WDR19: variants seen among roughly 807,000 people sequenced by gnomAD.
The protein encoded by WDR19 is WD repeat domain 19.
Under a neutral mutation model 180.0 loss-of-function variants are expected in WDR19, and 121 were observed. The ratio of observed to expected loss-of-function variants is 0.67; its 90% CI spans 0.58 to 0.78. WDR19 has a LOEUF of 0.78. Among genes scored for constraint, WDR19 ranks in the 30% least tolerant of loss-of-function variants. WDR19 has a pLI of 0.00. For missense variants in WDR19, 1,450 were observed against 1,640.7 expected (o/e 0.88, Z 2.01); for synonymous variants, 497 against 540.7 (o/e 0.92, Z 1.12).
At chr4:39,276,388 C>T (rs950937131) in intron 33 of WDR19, among the ~76,000 whole-genome samples, 1 of 152,160 alleles carries the variant, frequency 6.6e-6, no homozygotes, top group African/African-American at 2.4e-5. Context: ...CATAGAACCA[C>T]GCTAGCTGGG....
intron 36 of WDR19, 23 bp from the exon 37 acceptor site, chr4:39,285,464 T>C (rs1370130252): frequency 6.6e-6 from 1 of 152,196 alleles, no homozygotes; most frequent in Non-Finnish European, 1.5e-5. Flanking sequence ...TCTAGAGGCA[T>C]GTGTTCTGTT....
chr4:39,240,780 T>C (rs1321370147), intron 21 of WDR19, among the ~76,000 whole-genome samples: 1 of 150,922 alleles, frequency 6.6e-6, no homozygotes, highest in Non-Finnish European at 1.5e-5. Context: ...TGAAACCCCA[T>C]CTCTACTAAA....
chr4:39,182,749 TAGG>T (rs930940012), intron 1 of WDR19, among the ~76,000 whole-genome samples, 186 bp downstream of exon 1: 8 of 150,128 alleles, frequency 5.3e-5, no homozygotes, highest in African/African-American at 9.8e-5. Flanking sequence ...GGAAAGAAAA[TAGG>T]AGGAGAGGAG....
chr4:39,237,623 C>T (rs527698086), intron 20 of WDR19: 1 of 152,276 alleles, frequency 6.6e-6, no homozygotes, highest in Non-Finnish European at 1.5e-5. Flanking sequence ...ATTTTCTATT[C>T]TACAGATTAA....
At chr4:39,253,427 T>C in intron 25 of WDR19, 135 bp downstream of exon 25, 1 of 1,041,056 alleles carries the variant, frequency 9.6e-7, no homozygotes, top group Non-Finnish European at 1.4e-6. Context: ...AGCGTTTAAA[T>C]TCAAAGGCTG....
intron 5 of WDR19, among the ~76,000 whole-genome samples, chr4:39,197,711 A>G (rs1007417822): frequency 6.6e-6 from 1 of 152,222 alleles, no homozygotes; most frequent in Non-Finnish European, 1.5e-5. Context: ...AAAGCTTCCC[A>G]ATAGTTAGTG....
At chr4:39,211,958 A>AT in intron 9 of WDR19, among the ~76,000 whole-genome samples, 1 of 145,802 alleles carries the variant, frequency 6.9e-6, no homozygotes. Context: ...AGAGAGAGAG[A>AT]GAGAGAGAGA....
intron 5 of WDR19, among the ~76,000 whole-genome samples, chr4:39,195,218 T>G: frequency 6.6e-6 from 1 of 151,708 alleles, no homozygotes; most frequent in East Asian, 1.9e-4. Context: ...ATACAAAAAA[T>G]TAGCCGGGCA....
intron 5 of WDR19, among the ~76,000 whole-genome samples, chr4:39,198,828 T>C (rs1349265191): frequency 6.6e-6 from 1 of 152,052 alleles, no homozygotes. Flanking sequence ...GGTGAAACCC[T>C]GTCTCTACTA....
In WDR19 at chr4:39,214,367, G is replaced by GC. The variant is rs547354217; in HGVS notation, c.891-228dup. 3.4e-4 allele frequency among the ~76,000 whole-genome samples: 52 copies of GC among 151,890 alleles called. No homozygotes were observed. The East Asian group carries it at 8.5e-3, about 25-fold the overall frequency. Reference sequence around the variant, plus strand: ...GATTAAGCCAGGCACAACCCTACCCGCCCCCCATCTCTGCACACAGTAAGC... The same window carrying GC: ...GATTAAGCCAGGCACAACCCTACCCGCCCCCCCATCTCTGCACACAGTAAGC... On this transcript the variant is annotated intron_variant, in intron 9 of 36. Transcript: ENST00000399820.
intron 14 of WDR19, among the ~76,000 whole-genome samples, chr4:39,222,387 CT>C (rs1222608367): frequency 6.6e-6 from 1 of 152,034 alleles, no homozygotes; most frequent in Non-Finnish European, 1.5e-5. Flanking sequence ...TTAATAGTGT[CT>C]TTCAAAGAGA....
intron 21 of WDR19, among the ~76,000 whole-genome samples, chr4:39,242,400 G>C (rs1732053163): frequency 6.6e-6 from 1 of 152,022 alleles, no homozygotes; most frequent in African/African-American, 2.4e-5. Context: ...GCGATTACAG[G>C]CATGAGCCAC....
chr4:39,243,479 A>T (rs1341263710), intron 21 of WDR19, among the ~76,000 whole-genome samples: 1 of 152,128 alleles, frequency 6.6e-6, no homozygotes, highest in Non-Finnish European at 1.5e-5. Flanking sequence ...TTGTCTGGTC[A>T]TGTCCTTTGC....
At chr4:39,247,086 A>C (rs1243146991) in intron 24 of WDR19, among the ~76,000 whole-genome samples, 1 of 152,202 alleles carries the variant, frequency 6.6e-6, no homozygotes, top group Non-Finnish European at 1.5e-5. Flanking sequence ...TGAGTAGCCT[A>C]ACTGGGAGGC....
chr4:39,205,641 T>C lies in WDR19; in HGVS notation c.795T>C (p.Gly265=), dbSNP rs771396030. 21 of 1,613,006 alleles carry C rather than the reference T, an allele frequency of 1.3e-5. No individual in the cohort carries two copies. In the African/African-American group the frequency reaches 2.7e-4, roughly 21 times the overall value. The part of the protein sequence containing the change: ...VVISTHTGEL[G]QEIFQARNHK... ...TTTCTACTCATACTGGAGAGCTTGG[T>C]CAAGAGATATTTCAGGCTCGTAACC... The change falls in exon 9 of 37, where the codon GGT becomes GGC. Residue 265 remains glycine, a synonymous_variant. Coordinates refer to ENST00000399820, the MANE Select transcript of WDR19 (RefSeq NM_025132.4).
intron 1 of WDR19, among the ~76,000 whole-genome samples, chr4:39,185,188 A>G (rs763441395): frequency 1.5e-4 from 23 of 152,230 alleles, no homozygotes; most frequent in Non-Finnish European, 2.8e-4. Context: ...AGGAAAAGAA[A>G]GAGTTTTCAG....
At chr4:39,234,546 A>AT (rs1297134582) in intron 19 of WDR19, among the ~76,000 whole-genome samples, 2 of 152,092 alleles carry the variant, frequency 1.3e-5, no homozygotes, top group Non-Finnish European at 2.9e-5. Flanking sequence ...AATAGCTAAG[A>AT]TTTTTTTGCC....
At chr4:39,198,769 G>A (rs976265281) in intron 5 of WDR19, among the ~76,000 whole-genome samples, 1 of 152,178 alleles carries the variant, frequency 6.6e-6, no homozygotes, top group Non-Finnish European at 1.5e-5. Flanking sequence ...GGAGGCCAAG[G>A]CAGGTGGATC....
intron 15 of WDR19, among the ~76,000 whole-genome samples, chr4:39,226,828 G>A (rs1376821352): frequency 2.0e-5 from 3 of 151,978 alleles, no homozygotes; most frequent in African/African-American, 7.3e-5. Context: ...GATAAAAAAC[G>A]AACAGATGAA....
Sources: allele counts gnomAD v4.1 joint callset (sites outside exome capture counted in the v4.1 genomes callset), GRCh38; gene constraint gnomAD v4.1.1; transcripts MANE v1.5; gene names NCBI Gene and HGNC (gene_info 2026-07-23, HGNC 2026-07-21).